Variants in ATP5PF observed in about 807,000 individuals in gnomAD.
ATP5PF encodes ATP synthase peripheral stalk subunit F6, mitochondrial.
Under a neutral mutation model 12.0 loss-of-function variants are expected in ATP5PF, and 7 were observed. The observed-to-expected ratio is 0.58, with a 90% confidence interval of 0.33 to 1.10. ATP5PF has a LOEUF of 1.10. Ranked by LOEUF, ATP5PF falls within the 50% of genes least tolerant of loss-of-function variation. ATP5PF has a pLI of 0.03. For synonymous variants in ATP5PF, 41 were observed against 45.4 expected, an observed-to-expected ratio of 0.90 and a Z score of 0.39; for missense variants, 120 against 127.7, an observed-to-expected ratio of 0.94 and a Z score of 0.29.
In ATP5PF at chr21:25,734,242, A is replaced by G. The variant is rs68010811; in HGVS notation, c.-8+611T>C. 2,429 of 836,176 alleles carry G rather than the reference A, an allele frequency of 2.9e-3. 51 individuals are homozygous for G. The African/African-American group carries it at 0.042, about 14-fold the overall frequency. 51.8% of individuals were successfully genotyped at this position (836,176 alleles called of 1,614,324 possible). A position where few individuals can be genotyped will look rare whatever the true frequency, so the allele number is the denominator to read the frequency against. On this transcript the variant is annotated intron_variant, in intron 1 of 3. Coordinates refer to ENST00000284971, the MANE Select transcript of ATP5PF (RefSeq NM_001003703.2). ...ATGATAGCGTCTGACATGATCAGAA[A>G]GACTGGGGAAGGCAACAGTAAGAAA...
At chr21:25,735,315 C>T (rs2034999308), upstream of ATP5PF, 2 of 285,426 alleles carry the variant, frequency 7.0e-6, no homozygotes, top group Non-Finnish European at 6.7e-6. Context: ...TTCCTTGTAC[C>T]TCGTGAGCCT....
chr21:25,730,197 C>T (rs1023326202), intron 1 of ATP5PF, among the ~76,000 whole-genome samples: 3 of 152,148 alleles, frequency 2.0e-5, no homozygotes, highest in Admixed American at 6.5e-5. Flanking sequence ...ATACCTCAGC[C>T]GGGCATGACA....
At chr21:25,732,985 CAAAAAAAAAAA>C (rs370858284) in intron 1 of ATP5PF, among the ~76,000 whole-genome samples, 37 of 47,816 alleles carry the variant, frequency 7.7e-4, no homozygotes, top group Admixed American at 5.2e-3. Flanking sequence ...AACTCTGTCT[CAAAAAAAAAAA>C]AAAAAAAAAA....
intron 2 of ATP5PF, among the ~76,000 whole-genome samples, chr21:25,726,937 A>G (rs1001407924): frequency 6.6e-6 from 1 of 152,236 alleles, no homozygotes; most frequent in Non-Finnish European, 1.5e-5. Context: ...AGAACTTGTT[A>G]TCAATATTTC....
chr21:25,730,736 CAAAAAAAAAAAAAAAAAAAAA>C (rs71183508), intron 1 of ATP5PF, among the ~76,000 whole-genome samples: 17 of 31,894 alleles, frequency 5.3e-4, no homozygotes, highest in Non-Finnish European at 9.0e-4. Context: ...CTCCGTCTCA[CAAAAAAAAAAAAAAAAAAAAA>C]AAAAAAAAAA....
chr21:25,729,609 C>A, intron 2 of ATP5PF, 22 bp downstream of exon 2: 3 of 1,575,358 alleles, frequency 1.9e-6, no homozygotes, highest in Admixed American at 1.8e-5. Context: ...TATATTTACA[C>A]TGTAGTTATT....
At chr21:25,727,862 T>G (rs939302828) in intron 2 of ATP5PF, among the ~76,000 whole-genome samples, 2 of 152,342 alleles carry the variant, frequency 1.3e-5, no homozygotes, top group East Asian at 1.9e-4. Context: ...TATATAAAAT[T>G]GGGGTAACAT....
rs149245672 is a variant in ATP5PF at position 25,729,692 on chromosome 21, C to T, written c.103G>A (p.Glu35Lys). The change falls in exon 2 of 4, where the codon GAA becomes AAA. Residue 35 changes from glutamate to lysine, a missense_variant. Coordinates refer to ENST00000284971, the MANE Select transcript of ATP5PF (RefSeq NM_001003703.2). Reference sequence around the variant, plus strand: ...AAGAGTTTCTGTATAGGATCAAGTTCCTTATTAAATGCCACTGCTGTAACA... The same window carrying T: ...AAGAGTTTCTGTATAGGATCAAGTTTCTTATTAAATGCCACTGCTGTAACA... Reference protein sequence around the residue: ...IGVTAVAFNKELDPIQKLFVD... With the variant: ...IGVTAVAFNKKLDPIQKLFVD... 6.2e-7 allele frequency: 1 copy of T among 1,612,188 alleles called. No homozygotes were observed. The highest frequency in any genetic ancestry group is 8.5e-7 in the Non-Finnish European group (1 of 1,179,194).
chr21:25,734,518 CG>C (rs2034935054), intron 1 of ATP5PF: 1 of 595,222 alleles, frequency 1.7e-6, no homozygotes, highest in Non-Finnish European at 2.2e-6. Context: ...CCCGTGCGCC[CG>C]GGGCGGGTAG....
chr21:25,734,984 C>G (rs2123468575), upstream of ATP5PF: 1 of 1,558,826 alleles, frequency 6.4e-7, no homozygotes, highest in South Asian at 1.2e-5. Flanking sequence ...TCGGTCGACG[C>G]TCACCGGACA....
intron 1 of ATP5PF, chr21:25,734,357 G>A (rs766400413): frequency 3.8e-5 from 37 of 986,546 alleles, no homozygotes; most frequent in Non-Finnish European, 4.3e-5. Context: ...TAGGTTCGCT[G>A]CCTCTTCAGT....
chr21:25,733,481 C>T (rs1601093135), intron 1 of ATP5PF, among the ~76,000 whole-genome samples: 1 of 151,908 alleles, frequency 6.6e-6, no homozygotes. Flanking sequence ...GAGCAGAGAT[C>T]GTGCCACTGC....
At chr21:25,730,736 CAAAAAAA>C (rs71183508) in intron 1 of ATP5PF, among the ~76,000 whole-genome samples, 219 of 31,810 alleles carry the variant, frequency 6.9e-3, no homozygotes, top group Non-Finnish European at 8.2e-3. Context: ...CTCCGTCTCA[CAAAAAAA>C]AAAAAAAAAA....
chr21:25,733,511 A>G (rs1345289734), intron 1 of ATP5PF, among the ~76,000 whole-genome samples: 1 of 152,118 alleles, frequency 6.6e-6, no homozygotes, highest in Admixed American at 6.5e-5. Flanking sequence ...TGGGCGACAG[A>G]GCGAGACTCT....
chr21:25,734,822 G>A, intron 1 of ATP5PF, 31 bp downstream of exon 1: 1 of 1,526,914 alleles, frequency 6.5e-7, no homozygotes, highest in Non-Finnish European at 8.8e-7. Context: ...GTCCCAAAAG[G>A]CCACGCTGAT....
chr21:25,734,694 G>A (rs2034948252), intron 1 of ATP5PF, 159 bp downstream of exon 1: 3 of 700,686 alleles, frequency 4.3e-6, no homozygotes, highest in Non-Finnish European at 6.9e-6. Flanking sequence ...GTCTACAAAC[G>A]TAGAGGTCAG....
chr21:25,734,566 G>C, intron 1 of ATP5PF: 1 of 435,560 alleles, frequency 2.3e-6, no homozygotes, highest in Non-Finnish European at 3.5e-6. Context: ...CCTGACCTTG[G>C]GTTGCCCCAG....
At chr21:25,725,184 C>A (rs762237466) in intron 3 of ATP5PF, 42 bp downstream of exon 3, 1 of 1,578,562 alleles carries the variant, frequency 6.3e-7, no homozygotes, top group Admixed American at 1.9e-5. Flanking sequence ...ATATTCTTCA[C>A]TTATCCCCCA....
intron 2 of ATP5PF, among the ~76,000 whole-genome samples, chr21:25,725,671 C>A (rs7276776): frequency 7.7e-4 from 117 of 152,286 alleles, no homozygotes; most frequent in African/African-American, 2.7e-3. Flanking sequence ...ATCTCCTGAC[C>A]TCATGATCCG....
Sources: allele counts gnomAD v4.1 joint callset (sites outside exome capture counted in the v4.1 genomes callset), GRCh38; gene constraint gnomAD v4.1.1; transcripts MANE v1.5; gene names NCBI Gene and HGNC (gene_info 2026-07-23, HGNC 2026-07-21).